The following LRRC23 variants were observed in gnomAD, a reference collection of about 807,000 sequenced individuals.
The protein encoded by LRRC23 is leucine-rich repeat-containing protein 23.
LRRC23 carries 28 observed loss-of-function variants against 37.7 expected under a neutral mutation model. The observed-to-expected ratio is 0.74, with a 90% CI of 0.55 to 1.02. LRRC23 has a LOEUF of 1.02. LRRC23 is among the 50% of genes least tolerant of loss of function. LRRC23 has a pLI of 0.00. For synonymous variants in LRRC23, 161 were observed against 165.4 expected (o/e 0.97, Z 0.20); for missense variants, 377 against 413.2 (o/e 0.91, Z 0.76).
chr12:6,908,620 AC>A (rs1565552982), intron 5 of LRRC23, among the ~76,000 whole-genome samples: 3 of 65,672 alleles, frequency 4.6e-5, no homozygotes, highest in African/African-American at 2.8e-4. Flanking sequence ...AAAAAAAAAA[AC>A]CAAAGAAAAA....
rs1555139371 is a variant in LRRC23 at position 6,905,708 on chromosome 12, G to A, written c.75G>A (p.Glu25=). 1 of 1,612,434 alleles carries A rather than the reference G, an allele frequency of 6.2e-7. No individual in the cohort carries two copies. The highest frequency in any genetic ancestry group is 8.5e-7 in the Non-Finnish European group (1 of 1,179,252). The change falls in exon 2 of 8, where the codon GAG becomes GAA. Residue 25 remains glutamate, a synonymous_variant. Transcript: ENST00000443597. ...CTGAGAAAGAAGAGGACGAGAAGGA[G>A]ACAGAGGAGGGGGAGGACTACAGAA... The part of the protein sequence containing the change: ...DDSEKEEDEK[E]TEEGEDYRKE...
intron 5 of LRRC23, 39 bp downstream of exon 5, chr12:6,907,484 C>A: frequency 6.2e-7 from 1 of 1,611,212 alleles, no homozygotes; most frequent in Non-Finnish European, 8.5e-7. Flanking sequence ...GGGAAGAGGG[C>A]ACTGTCCTGG....
rs1555139373 is a variant in LRRC23, at chr12:6,905,718, G to A, written c.85G>A (p.Gly29Arg). 1 of 1,613,618 alleles carries A rather than the reference G, an allele frequency of 6.2e-7. No individual in the cohort carries two copies. Among genetic ancestry groups the A allele is most frequent in the South Asian group, 1.1e-5 (1 of 91,054 alleles). ...AGAGGACGAGAAGGAGACAGAGGAG[G>A]GGGAGGACTACAGAAAAGAGGGGGA... is the stretch of plus-strand genomic sequence containing the variant. Reference protein sequence around the residue: ...KEEDEKETEEGEDYRKEGEEF... With the variant: ...KEEDEKETEEREDYRKEGEEF... The change falls in exon 2 of 8, where the codon GGG becomes AGG. Residue 29 changes from glycine to arginine, a missense_variant. Physicochemically the swap from Gly to Arg is moderately radical, Grantham distance 125 (BLOSUM62 -2). Around this residue, in one of 3 missense-constraint regions of LRRC23, gnomAD observed 106 missense variants for 105.9 expected, o/e 1.00. Transcript: ENST00000443597.
In LRRC23 at chr12:6,914,037, T is replaced by C; in HGVS notation, c.*171T>C. Reference sequence around the variant, plus strand: ...CCCAGGATCTGCTCTGTGCCGGTCCTCTGGGCAGTGTGGGGTGCAGAATGG... The same window carrying C: ...CCCAGGATCTGCTCTGTGCCGGTCCCCTGGGCAGTGTGGGGTGCAGAATGG... On this transcript the variant is annotated 3_prime_UTR_variant, in exon 8 of 8. Coordinates refer to ENST00000443597, the MANE Select transcript of LRRC23 (RefSeq NM_001135217.2). This position sits in a 1 kb window ranked among gnomAD's most constrained non-coding sequence, Gnocchi z 7.1. 6.2e-7 allele frequency: 1 copy of C among 1,608,402 alleles called. No individual in the cohort carries two copies. The highest frequency in any genetic ancestry group is 1.7e-4 in the Middle Eastern group (1 of 5,940).
chr12:6,907,948 C>T (rs782150186), intron 5 of LRRC23, among the ~76,000 whole-genome samples: 1 of 152,136 alleles, frequency 6.6e-6, no homozygotes, highest in Non-Finnish European at 1.5e-5. Context: ...ACCCCTACAC[C>T]GCCCACATAC....
intron 6 of LRRC23, 115 bp downstream of exon 6, chr12:6,910,141 G>A (rs1945124562): frequency 9.8e-7 from 1 of 1,024,952 alleles, no homozygotes; most frequent in South Asian, 1.8e-5. Context: ...GGATTCTCAA[G>A]GAAAGCCCGG....
Position 6,906,571 on chromosome 12 carries a change from G to T in LRRC23, c.399G>T (p.Leu133=), listed in dbSNP as rs2138139974. The change falls in exon 4 of 8, where the codon CTG becomes CTT. Residue 133 remains leucine, a synonymous_variant. Transcript: ENST00000443597. The part of the protein sequence containing the change: ...NRLRSAQMNE[L]PYLQIASFAY... Reference sequence around the variant, plus strand: ...TGCGAAGTGCCCAGATGAATGAACTGCCCTACCTGCAGATTGCTAGTTTTG... The same window carrying T: ...TGCGAAGTGCCCAGATGAATGAACTTCCCTACCTGCAGATTGCTAGTTTTG... 1 of 1,614,212 alleles carries T rather than the reference G, an allele frequency of 6.2e-7. No individual in the cohort carries two copies.
intron 5 of LRRC23, among the ~76,000 whole-genome samples, chr12:6,909,479 A>AG (rs1555140413): frequency 3.4e-5 from 3 of 88,654 alleles, no homozygotes; most frequent in Admixed American, 1.9e-4. Flanking sequence ...TATATTTTAT[A>AG]TATTATATAA....
At position 6,913,973 on chromosome 12, in the gene LRRC23, GT is replaced by G; in HGVS notation, c.*112del. 1 of 1,613,818 alleles carries G rather than the reference GT, an allele frequency of 6.2e-7. No individual in the cohort carries two copies. The highest frequency in any genetic ancestry group is 2.2e-5 in the East Asian group (1 of 44,854). The stretch of plus-strand genomic sequence containing the variant: ...GTATGACAGAGAACAGAGGATGCCT[GT>G]TTTTGCCCCAAAGCTGGAAATTCAT... On this transcript the variant is annotated 3_prime_UTR_variant, in exon 8 of 8. Coordinates refer to ENST00000443597, the MANE Select transcript of LRRC23 (RefSeq NM_001135217.2).
intron 3 of LRRC23, 52 bp from the exon 4 acceptor site, chr12:6,906,357 C>T: frequency 1.9e-6 from 3 of 1,578,994 alleles, no homozygotes; most frequent in South Asian, 2.3e-5. Context: ...TGCCAGTCCT[C>T]ACTGGGTGCT....
intron 5 of LRRC23, among the ~76,000 whole-genome samples, chr12:6,908,613 A>AAAAAAAAAAAAAAAAC (rs1555140043): frequency 2.5e-5 from 3 of 118,346 alleles, no homozygotes; most frequent in African/African-American, 1.2e-4. Flanking sequence ...AAAAAAAAAA[A>AAAAAAAAAAAAAAAAC]AAAAAAACCA....
intron 5 of LRRC23, among the ~76,000 whole-genome samples, chr12:6,908,028 C>G (rs782475468): frequency 1.3e-5 from 2 of 152,310 alleles, no homozygotes; most frequent in East Asian, 3.9e-4. Flanking sequence ...TTCCCATGAC[C>G]TCTTCTCTGG....
chr12:6,905,618 TC>T lies in LRRC23; in HGVS notation c.-15del, dbSNP rs1944922307. ...CTGAGCTTATCTGACTCCAGAGCTT[TC>T]AGGAGGGAAGAAAGATGTCAGATGA... On this transcript the variant is annotated 5_prime_UTR_variant, in exon 2 of 8. Transcript: ENST00000443597. The T allele has an allele frequency of 6.2e-7, 1 of 1,613,384 alleles. No homozygotes were observed. The highest frequency in any genetic ancestry group is 8.5e-7 in the Non-Finnish European group (1 of 1,179,706).
At chr12:6,907,102 T>C (rs1944967401) in intron 4 of LRRC23, among the ~76,000 whole-genome samples, 1 of 152,172 alleles carries the variant, frequency 6.6e-6, no homozygotes, top group African/African-American at 2.4e-5. Flanking sequence ...TCATTCACTC[T>C]TCAAAGGCTT....
At chr12:6,910,399 A>C (rs969461730) in intron 6 of LRRC23, among the ~76,000 whole-genome samples, 6 of 151,960 alleles carry the variant, frequency 3.9e-5, no homozygotes, top group Non-Finnish European at 1.5e-5. Context: ...ACCTAGTGAG[A>C]CCATGTTTCT....
At position 6,909,848 on chromosome 12, in the gene LRRC23, C is replaced by G. The variant is rs782423935; in HGVS notation, c.622-42C>G. The G allele has an allele frequency of 5.7e-6, 9 of 1,575,270 alleles. No homozygotes were observed. The East Asian group carries it at 1.8e-4, about 32-fold the overall frequency. ...TTCTGACTTCTCTTTCTTCCCTATC[C>G]CTGCTCCCTCTCAATCAATCCACTG... On this transcript the variant is annotated intron_variant, in intron 5 of 7. Coordinates refer to ENST00000443597, the MANE Select transcript of LRRC23 (RefSeq NM_001135217.2).
intron 4 of LRRC23, 176 bp downstream of exon 4, chr12:6,906,838 G>A (rs1944961979): frequency 1.4e-6 from 1 of 695,290 alleles, no homozygotes. Context: ...GATCCAATAA[G>A]ACAAGGAACG....
chr12:6,906,058 A>C lies in LRRC23; in HGVS notation c.236+104A>C, dbSNP rs369879967. 9.1e-5 allele frequency: 92 copies of C among 1,016,416 alleles called. No individual in the cohort carries two copies. The East Asian group carries it at 1.8e-3, about 19-fold the overall frequency. 63.0% of individuals were successfully genotyped at this position (1,016,416 alleles called of 1,614,324 possible). Reference sequence around the variant, plus strand: ...TCTGGTTGAGAGTTTGACTCTTCTCATGCCTAGTGGAAAGGGAAGGACAGA... The same window carrying C: ...TCTGGTTGAGAGTTTGACTCTTCTCCTGCCTAGTGGAAAGGGAAGGACAGA... On this transcript the variant is annotated intron_variant, in intron 3 of 7. Coordinates refer to ENST00000443597, the MANE Select transcript of LRRC23 (RefSeq NM_001135217.2).
intron 5 of LRRC23, among the ~76,000 whole-genome samples, chr12:6,909,599 T>C (rs1207274890): frequency 6.9e-6 from 1 of 145,106 alleles, no homozygotes; most frequent in Non-Finnish European, 1.5e-5. Flanking sequence ...CAATCCTCAG[T>C]GGTGGCCTGG....
Sources: gnomAD v4.1 joint callset for allele counts (sites outside exome capture counted in the v4.1 genomes callset) on GRCh38, gnomAD v4.1.1 for gene constraint, gnomAD v4.1.1 regional missense constraint, Gnocchi (gnomAD v3.1) non-coding constraint, MANE v1.5 for transcripts, NCBI Gene and HGNC (gene_info 2026-07-23, HGNC 2026-07-21) for gene names.